Variants in CKB observed in about 807,000 individuals in gnomAD.
The protein encoded by CKB is creatine kinase B, also known as creatine kinase B-type.
Under a neutral mutation model 36.9 loss-of-function variants are expected in CKB, and 15 were observed. The observed-to-expected ratio is 0.41, with a 90% CI of 0.27 to 0.63. The LOEUF (loss-of-function observed/expected upper bound fraction) is 0.63, where lower values mean the gene tolerates loss of function less well. Among genes scored for constraint, CKB ranks in the 20% least tolerant of loss-of-function variants. The pLI is 0.34. For missense variants in CKB, 413 were observed against 534.9 expected (o/e 0.77, Z 2.25); for synonymous variants, 250 against 228.2 (o/e 1.10, Z -0.86).
In CKB at chr14:103,521,843, G is replaced by C; in HGVS notation, c.456C>G (p.Arg152=). ...LPPHCSRGER[R]AIEKLAVEAL... ...CTTCCACCGCGAGCTTCTCGATGGC[G>C]CGGCGCTCCCCGCGGCTGCAGTGCG... Residue 152 remains arginine, a synonymous_variant, in exon 4 of 8, where the codon CGC becomes CGG. Transcript: ENST00000348956. 1 of 1,514,388 alleles carries C rather than the reference G, an allele frequency of 6.6e-7. No homozygotes were observed. Among genetic ancestry groups the C allele is most frequent in the Non-Finnish European group, 8.8e-7 (1 of 1,140,462 alleles). The allele number at this position is 1,514,388 out of a possible 1,614,324, so 93.8% of individuals were successfully genotyped here.
At position 103,521,287 on chromosome 14, in the gene CKB, T is replaced by C; in HGVS notation, c.629A>G (p.Asp210Gly). Residue 210 changes from aspartate (D) to glycine (G), a missense_variant, in exon 5 of 8, where the codon GAC becomes GGC. Physicochemically the swap from Asp to Gly is moderately conservative, Grantham distance 94. Transcript: ENST00000348956. The stretch of plus-strand genomic sequence containing the variant: ...CCAGATACCGCGGGCGTCGGGCCAG[T>C]CGCGGGCCATGCCCGAGGCCAGCAG... ...PLLLASGMAR[D>G]WPDARGIWHN... The C allele has an allele frequency of 6.2e-7, 1 of 1,601,048 alleles. No homozygotes were observed.
chr14:103,522,275 G>C lies in CKB; in HGVS notation c.193+26C>G. The C allele has an allele frequency of 6.3e-7, 1 of 1,585,854 alleles. No individual in the cohort carries two copies. The highest frequency in any genetic ancestry group is 8.5e-7 in the Non-Finnish European group (1 of 1,169,990). The stretch of plus-strand genomic sequence containing the variant: ...GCTGCGCGGGGGGAGGGGGGGCCGG[G>C]ACCCCGGCCCCGAGGGGTCGCGTAC... On this transcript the variant is annotated intron_variant, in intron 2 of 7. Transcript: ENST00000348956. This position sits in a 1 kb window ranked among gnomAD's most constrained non-coding sequence, Gnocchi z 6.7.
At chr14:103,521,200 G>A (rs2075897858) in intron 5 of CKB, 63 bp downstream of exon 5, 20 of 1,518,668 alleles carry the variant, frequency 1.3e-5, no homozygotes, top group Non-Finnish European at 1.8e-5. Context: ...CGAGGGGGGC[G>A]AGAGGGAAAG....
In CKB at chr14:103,521,590, C is replaced by A. The variant is rs540043397; in HGVS notation, c.482-156G>T. The A allele has an allele frequency of 6.4e-4, 601 of 933,288 alleles. 13 individuals carry two copies. In the East Asian group the frequency reaches 0.02, roughly 31 times the overall value. The allele number at this position is 933,288 out of a possible 1,614,324, so 57.8% of individuals were successfully genotyped here. A position where few individuals can be genotyped will look rare whatever the true frequency, so the allele number is the denominator to read the frequency against. On this transcript the variant is annotated intron_variant, in intron 4 of 7. Transcript: ENST00000348956. ...CAGTCCTCACGGCCCGGGCGACGGT[C>A]CCAGGCGGTGACCCCGCGCCAGGAC... is the stretch of plus-strand genomic sequence containing the variant.
chr14:103,520,396 C>T (rs2075892018), intron 6 of CKB, 73 bp downstream of exon 6: 6 of 1,587,230 alleles, frequency 3.8e-6, no homozygotes, highest in South Asian at 3.4e-5. Context: ...GGAAATCCCC[C>T]GGGGGGACTG....
rs764428919 is a variant in CKB, at chr14:103,519,949, A to C, written c.1061T>G (p.Val354Gly). The change falls in exon 8 of 8, where the codon GTG becomes GGG. Residue 354 changes from valine (V) to glycine (G), a missense_variant. By Grantham distance (109) the Val-to-Gly change is moderately radical (BLOSUM62 -3). This residue lies in a region of CKB where 314 missense variants were observed against 409.4 expected (regional missense o/e 0.77). Coordinates refer to ENST00000348956, the MANE Select transcript of CKB (RefSeq NM_001823.5). ...CTCGATGAGCAGCTTCACTCCGTCC[A>C]CCACCATCTGCACCAGCTCCACCTC... is the stretch of plus-strand genomic sequence containing the variant. ...FSEVELVQMVVDGVKLLIEME... is the reference protein window; with the variant it reads ...FSEVELVQMVGDGVKLLIEME... 6.2e-7 allele frequency: 1 copy of C among 1,610,600 alleles called. No individual in the cohort carries two copies. Among genetic ancestry groups the C allele is most frequent in the East Asian group, 2.2e-5 (1 of 44,862 alleles).
At chr14:103,520,948 G>T in intron 5 of CKB, 1 of 542,832 alleles carries the variant, frequency 1.8e-6, no homozygotes, top group Non-Finnish European at 3.3e-6. Flanking sequence ...AAAACAAAGA[G>T]CTCCAGCTCC....
At chr14:103,521,077 T>G (rs913019324) in intron 5 of CKB, 186 bp downstream of exon 5, 3 of 782,162 alleles carry the variant, frequency 3.8e-6, no homozygotes, top group Non-Finnish European at 6.5e-6. Context: ...ACGCACCTGC[T>G]CGGCCAAGGT....
chr14:103,522,148 C>A lies in CKB; in HGVS notation c.223G>T (p.Val75Leu). 1 of 1,603,774 alleles carries A rather than the reference C, an allele frequency of 6.2e-7. No homozygotes were observed. The change falls in exon 3 of 8, where the codon GTG becomes TTG. Residue 75 changes from valine to leucine, a missense_variant. By Grantham distance (32) the Val-to-Leu change is conservative. Transcript: ENST00000348956. The surrounding 1 kb of genome is among the most constrained non-coding windows in gnomAD (Gnocchi z 6.7). ...TCGTAGGACTCCTCGTCGCCCGCCA[C>A]GCAGCCCACGGTCATGATGTACGGG... ...GHPYIMTVGCVAGDEESYEVF... is the reference protein window; with the variant it reads ...GHPYIMTVGCLAGDEESYEVF...
At position 103,521,748 on chromosome 14, in the gene CKB, A is replaced by G. The variant is rs1045282776; in HGVS notation, c.481+70T>C. On this transcript the variant is annotated intron_variant, in intron 4 of 7. Coordinates refer to ENST00000348956, the MANE Select transcript of CKB (RefSeq NM_001823.5). The stretch of plus-strand genomic sequence containing the variant: ...GCTGCCGCTCCCGGGCGACGTAAAC[A>G]AAAGCGGGCGGGGACCGCGCCGGGA... 3.3e-5 allele frequency: 43 copies of G among 1,316,770 alleles called. 3 individuals are homozygous for G. The highest frequency in any genetic ancestry group is 2.9e-6 in the Non-Finnish European group (3 of 1,035,522). 81.6% of individuals were successfully genotyped at this position (1,316,770 alleles called of 1,614,324 possible).
At chr14:103,521,456 C>A (rs1367393724) in intron 4 of CKB, 22 bp from the exon 5 acceptor site, 3 of 1,517,128 alleles carry the variant, frequency 2.0e-6, no homozygotes, top group South Asian at 2.5e-5. Context: ...GCGCTCAGGA[C>A]GCTCGGCTCC....
rs2075912464 is a variant in CKB, at chr14:103,522,576, C to A, written c.-12-71G>T. The A allele has an allele frequency of 2.9e-6, 3 of 1,028,932 alleles. No individual in the cohort carries two copies. The highest frequency in any genetic ancestry group is 3.8e-6 in the Non-Finnish European group (3 of 780,662). The allele number at this position is 1,028,932 out of a possible 1,614,324, so 63.7% of individuals were successfully genotyped here. A position where few individuals can be genotyped will look rare whatever the true frequency, so the allele number is the denominator to read the frequency against. ...CCGGGCTCCCGCGTACCACTCAGGC[C>A]CCCGCCGCCGGGCCCCCCGGCGCCC... On this transcript the variant is annotated intron_variant, in intron 1 of 7. Transcript: ENST00000348956. The surrounding 1 kb of genome is among the most constrained non-coding windows in gnomAD (Gnocchi z 6.7).
rs767405482 is a variant in CKB at position 103,520,517 on chromosome 14, C to T, written c.729G>A (p.Gly243=). Residue 243 remains glycine (G), a synonymous_variant, in exon 6 of 8, where the codon GGG becomes GGA. Transcript: ENST00000348956. ...GGGTGAACACCTCCTTCATGTTGCC[C>T]CCCTTCTGCATGGAGATGACCCGCA... is the stretch of plus-strand genomic sequence containing the variant. The part of the protein sequence containing the change: ...DHLRVISMQK[G]GNMKEVFTRF... 9 of 1,611,286 alleles carry T rather than the reference C, an allele frequency of 5.6e-6. No individual in the cohort carries two copies. Among genetic ancestry groups the T allele is most frequent in the Non-Finnish European group, 7.6e-6 (9 of 1,178,830 alleles).
Position 103,519,734 on chromosome 14 carries a change from C to G in CKB, c.*130G>C, listed in dbSNP as rs977257380. ...TAGCCATCAAAAAAATAAACTCTAC[C>G]AAGGGTGACGGAAGTCTCTACAGCA... On this transcript the variant is annotated 3_prime_UTR_variant, in exon 8 of 8. Coordinates refer to ENST00000348956, the MANE Select transcript of CKB (RefSeq NM_001823.5). 3 of 1,069,456 alleles carry G rather than the reference C, an allele frequency of 2.8e-6. No individual in the cohort carries two copies. The highest frequency in any genetic ancestry group is 4.0e-6 in the Non-Finnish European group (3 of 750,648). 66.2% of individuals were successfully genotyped at this position (1,069,456 alleles called of 1,614,324 possible). A position where few individuals can be genotyped will look rare whatever the true frequency, so the allele number is the denominator to read the frequency against.
rs528522014 is a variant in CKB at position 103,521,138 on chromosome 14, G to A, written c.653+125C>T. On this transcript the variant is annotated intron_variant, in intron 5 of 7. Coordinates refer to ENST00000348956, the MANE Select transcript of CKB (RefSeq NM_001823.5). ...CGGAACCCAGACCCGGAGCGCGGCC[G>A]GCCCCTCCCTCCTCCTCCTCCTCCT... is the stretch of plus-strand genomic sequence containing the variant. 9.5e-5 allele frequency: 114 copies of A among 1,197,526 alleles called. No individual in the cohort carries two copies. In the African/African-American group the frequency reaches 1.6e-3, roughly 17 times the overall value. The allele number at this position is 1,197,526 out of a possible 1,614,324, so 74.2% of individuals were successfully genotyped here.
rs938785111 is a variant in CKB at position 103,521,271 on chromosome 14, G to A, written c.645C>T (p.Arg215=). ...CGCAGAGGGACACGCACCAGATACC[G>A]CGGGCGTCGGGCCAGTCGCGGGCCA... is the stretch of plus-strand genomic sequence containing the variant. The part of the protein sequence containing the change: ...SGMARDWPDA[R]GIWHNDNKTF... Residue 215 remains arginine, a synonymous_variant, in exon 5 of 8, where the codon CGC becomes CGT. Transcript: ENST00000348956. The A allele has an allele frequency of 1.9e-6, 3 of 1,593,074 alleles. No homozygotes were observed. Among genetic ancestry groups the A allele is most frequent in the Non-Finnish European group, 2.6e-6 (3 of 1,173,856 alleles).
Position 103,522,172 on chromosome 14 carries a change from G to A in CKB, c.199C>T (p.Pro67Ser). 2 of 1,603,830 alleles carry A rather than the reference G, an allele frequency of 1.2e-6. No individual in the cohort carries two copies. The highest frequency in any genetic ancestry group is 1.7e-6 in the Non-Finnish European group (2 of 1,175,912). Residue 67 changes from proline (P) to serine (S), a missense_variant, in exon 3 of 8, where the codon CCG becomes TCG. Pro to Ser is a moderately conservative substitution (Grantham distance 74). Around this residue, in one of 3 missense-constraint regions of CKB, gnomAD observed 25 missense variants for 54.9 expected, o/e 0.46. Coordinates refer to ENST00000348956, the MANE Select transcript of CKB (RefSeq NM_001823.5). The surrounding 1 kb of genome is among the most constrained non-coding windows in gnomAD (Gnocchi z 6.7). ...ACGCAGCCCACGGTCATGATGTACGGGTGGCCTGGGGGAGGGGGCGCGGGA... is the reference window on the plus strand; with the variant it reads ...ACGCAGCCCACGGTCATGATGTACGAGTGGCCTGGGGGAGGGGGCGCGGGA... Reference protein sequence around the residue: ...IQTGVDNPGHPYIMTVGCVAG... With the variant: ...IQTGVDNPGHSYIMTVGCVAG...
At chr14:103,521,629 G>A (rs2075901721) in intron 4 of CKB, 189 bp downstream of exon 4, 8 of 932,092 alleles carry the variant, frequency 8.6e-6, no homozygotes, top group Middle Eastern at 7.3e-4. Flanking sequence ...CCCTCCCTGG[G>A]CCCCAGGCCG....
intron 5 of CKB, 118 bp downstream of exon 5, chr14:103,521,145 C>T: frequency 3.2e-6 from 4 of 1,242,832 alleles, no homozygotes; most frequent in Non-Finnish European, 4.5e-6. Flanking sequence ...GCCGGCCCCT[C>T]CCTCCTCCTC....
Sources: allele counts gnomAD v4.1 joint callset, GRCh38; gene constraint gnomAD v4.1.1; regional missense constraint gnomAD v4.1.1; non-coding constraint Gnocchi (gnomAD v3.1); transcripts MANE v1.5; gene names NCBI Gene and HGNC (gene_info 2026-07-23, HGNC 2026-07-21).